TAOK3: variants seen among roughly 807,000 people sequenced by gnomAD.
The protein encoded by TAOK3 is TAO kinase 3, also known as serine/threonine-protein kinase TAO3.
Under a neutral mutation model 120.4 loss-of-function variants are expected in TAOK3, and 40 were observed. The ratio of observed to expected loss-of-function variants is 0.33; its 90% CI spans 0.26 to 0.43. The LOEUF is 0.43. Among genes scored for constraint, TAOK3 ranks in the 20% least tolerant of loss-of-function variants. TAOK3 has a pLI of 1.00. For synonymous variants in TAOK3, 355 were observed against 387.5 expected, an observed-to-expected ratio of 0.92 and a Z score of 0.99; for missense variants, 821 against 1,112.1, an observed-to-expected ratio of 0.74 and a Z score of 3.72.
At chr12:118,194,164 C>G (rs963450864) in intron 13 of TAOK3, among the ~76,000 whole-genome samples, 5 of 152,148 alleles carry the variant, frequency 3.3e-5, no homozygotes, top group African/African-American at 1.2e-4. Flanking sequence ...GGGGATGTAT[C>G]TAAAAATGGC....
intron 1 of TAOK3, among the ~76,000 whole-genome samples, chr12:118,350,403 T>C (rs140460943): frequency 6.6e-6 from 1 of 151,966 alleles, no homozygotes; most frequent in African/African-American, 2.4e-5. Context: ...AGAATATGTA[T>C]GTGAATCTAC....
chr12:118,356,723 G>A lies in TAOK3; in HGVS notation c.-194+15925C>T, dbSNP rs75283307. Reference sequence around the variant, plus strand: ...AGGCCAGGATTTTGAGACCAACCTAGGCAACACAGCAAGACTCCCTCTTTA... The same window carrying A: ...AGGCCAGGATTTTGAGACCAACCTAAGCAACACAGCAAGACTCCCTCTTTA... On this transcript the variant is annotated intron_variant, in intron 1 of 20. Coordinates refer to ENST00000392533, the MANE Select transcript of TAOK3 (RefSeq NM_016281.4). Among the ~76,000 whole-genome samples, 983 of 152,024 alleles carry A rather than the reference G, an allele frequency of 6.5e-3. 12 individuals carry two copies. Among genetic ancestry groups the A allele is most frequent in the African/African-American group, 0.022 (925 of 41,440 alleles).
intron 1 of TAOK3, among the ~76,000 whole-genome samples, chr12:118,319,078 G>A (rs930741922): frequency 2.6e-5 from 4 of 152,178 alleles, no homozygotes; most frequent in African/African-American, 9.7e-5. Context: ...GAGAGGTGAG[G>A]AATTGGAGAA....
chr12:118,308,555 T>A (rs903316030), intron 1 of TAOK3, among the ~76,000 whole-genome samples: 1 of 152,160 alleles, frequency 6.6e-6, no homozygotes, highest in African/African-American at 2.4e-5. Flanking sequence ...GATAGCAGCA[T>A]GTTTCCCAGT....
chr12:118,159,023 C>T (rs2035032595), intron 19 of TAOK3, among the ~76,000 whole-genome samples: 1 of 152,152 alleles, frequency 6.6e-6, no homozygotes, highest in African/African-American at 2.4e-5. Context: ...AAAGCTTCAC[C>T]GAATTACCAG....
At chr12:118,314,978 G>A (rs1382755341) in intron 1 of TAOK3, among the ~76,000 whole-genome samples, 1 of 151,564 alleles carries the variant, frequency 6.6e-6, no homozygotes, top group East Asian at 1.9e-4. Context: ...GCTGGAGTGA[G>A]TGCGTGCAGT....
Position 118,161,785 on chromosome 12 carries a change from T to C in TAOK3, c.2139+3A>G, listed in dbSNP as rs993068962. Reference sequence around the variant, plus strand: ...CAACACTGTCCAGCAGCACAAATCTTACCTTTAAGTTTTTTGGCTGTTGCC... The same window carrying C: ...CAACACTGTCCAGCAGCACAAATCTCACCTTTAAGTTTTTTGGCTGTTGCC... On this transcript the variant is annotated splice_donor_region_variant and intron_variant, in intron 18 of 20. Coordinates refer to ENST00000392533, the MANE Select transcript of TAOK3 (RefSeq NM_016281.4). The surrounding 1 kb of genome is among the most constrained non-coding windows in gnomAD (Gnocchi z 4.5). 1 of 1,614,186 alleles carries C rather than the reference T, an allele frequency of 6.2e-7. No homozygotes were observed. Among genetic ancestry groups the C allele is most frequent in the African/African-American group, 1.3e-5 (1 of 75,076 alleles).
At chr12:118,232,531 G>A (rs1047399892) in intron 9 of TAOK3, among the ~76,000 whole-genome samples, 15 of 152,098 alleles carry the variant, frequency 9.9e-5, no homozygotes, top group Admixed American at 8.5e-4. Context: ...TATGGAGAAT[G>A]GATATTTTTC....
In TAOK3 at chr12:118,342,329, T is replaced by C. The variant is rs539405144; in HGVS notation, c.-194+30319A>G. ...ATGTAAGTATGATCAGGAAAAGTTTTATTAGCACAACATGAAATAGCCTTG... is the reference window on the plus strand; with the variant it reads ...ATGTAAGTATGATCAGGAAAAGTTTCATTAGCACAACATGAAATAGCCTTG... On this transcript the variant is annotated intron_variant, in intron 1 of 20. Coordinates refer to ENST00000392533, the MANE Select transcript of TAOK3 (RefSeq NM_016281.4). Among the ~76,000 whole-genome samples, 12 of 152,366 alleles carry C rather than the reference T, an allele frequency of 7.9e-5. No individual in the cohort carries two copies. The East Asian group carries it at 2.1e-3, about 27-fold the overall frequency.
intron 9 of TAOK3, among the ~76,000 whole-genome samples, chr12:118,217,793 A>G (rs1197258588): frequency 8.8e-4 from 75 of 85,054 alleles, no homozygotes; most frequent in African/African-American, 2.9e-3. Flanking sequence ...ATATGTATGT[A>G]TGTATGTGTG....
At chr12:118,189,971 G>A (rs201985670) in intron 13 of TAOK3, 30 bp from the exon 14 acceptor site, 2 of 1,611,384 alleles carry the variant, frequency 1.2e-6, no homozygotes, top group East Asian at 2.2e-5. Context: ...CAAGGAGAAA[G>A]TCCAGCTGTG....
intron 9 of TAOK3, among the ~76,000 whole-genome samples, chr12:118,229,957 T>A (rs2039689874): frequency 6.6e-6 from 1 of 151,988 alleles, no homozygotes; most frequent in South Asian, 2.1e-4. Flanking sequence ...AACACTTACA[T>A]AGTGCTTATT....
At chr12:118,181,139 C>G (rs137866450) in intron 15 of TAOK3, among the ~76,000 whole-genome samples, 1 of 152,224 alleles carries the variant, frequency 6.6e-6, no homozygotes, top group Non-Finnish European at 1.5e-5. Flanking sequence ...GCCACCACGC[C>G]TGGCCTCAGA....
intron 1 of TAOK3, among the ~76,000 whole-genome samples, chr12:118,296,789 C>A (rs1306966239): frequency 6.6e-6 from 1 of 152,154 alleles, no homozygotes; most frequent in Non-Finnish European, 1.5e-5. Context: ...AGCTATTGAG[C>A]AGCTGCAATA....
chr12:118,319,781 C>T (rs2140932970), intron 1 of TAOK3, among the ~76,000 whole-genome samples: 1 of 152,134 alleles, frequency 6.6e-6, no homozygotes, highest in East Asian at 1.9e-4. Flanking sequence ...CTATGGAAAA[C>T]AGTTGAACAG....
intron 9 of TAOK3, among the ~76,000 whole-genome samples, chr12:118,216,270 G>A (rs2038896840): frequency 6.6e-6 from 1 of 152,132 alleles, no homozygotes; most frequent in Non-Finnish European, 1.5e-5. Context: ...TGGGAGTATA[G>A]GCATGATGCA....
At position 118,149,955 on chromosome 12, in the gene TAOK3, A is replaced by G. The variant is rs1385568169; in HGVS notation, c.*1042T>C. 6.6e-6 allele frequency: 1 copy of G among 151,986 alleles called. No individual in the cohort carries two copies. Among genetic ancestry groups the G allele is most frequent in the African/African-American group, 2.4e-5 (1 of 41,356 alleles). The allele number at this position is 151,986 out of a possible 1,614,324, so 9.4% of individuals were successfully genotyped here. A position where few individuals can be genotyped will look rare whatever the true frequency, so the allele number is the denominator to read the frequency against. ...TCATCATTTTTTATTGTAAGAAAAT[A>G]CACAGTTTGAAAGTGTGAATAATGC... On this transcript the variant is annotated 3_prime_UTR_variant, in exon 21 of 21. Transcript: ENST00000392533.
At chr12:118,294,544 C>T (rs2042604311) in intron 1 of TAOK3, among the ~76,000 whole-genome samples, 1 of 152,036 alleles carries the variant, frequency 6.6e-6, no homozygotes, top group African/African-American at 2.4e-5. Context: ...CCACCATGCC[C>T]AGCTAATTTT....
At chr12:118,246,563 C>T (rs1593286917) in intron 3 of TAOK3, 4 of 1,562,968 alleles carry the variant, frequency 2.6e-6, no homozygotes, top group Non-Finnish European at 3.4e-6. Context: ...TGGCCAAGCT[C>T]TCCATTGTCC....
Sources: gnomAD v4.1 joint callset for allele counts (sites outside exome capture counted in the v4.1 genomes callset) on GRCh38, gnomAD v4.1.1 for gene constraint, Gnocchi (gnomAD v3.1) non-coding constraint, MANE v1.5 for transcripts, NCBI Gene and HGNC (gene_info 2026-07-23, HGNC 2026-07-21) for gene names.